SSPN: variants seen among roughly 807,000 people sequenced by gnomAD.
SSPN encodes sarcospan.
SSPN carries 15 observed loss-of-function variants against 19.1 expected under a neutral mutation model. The ratio of observed to expected loss-of-function variants is 0.78; its 90% CI spans 0.52 to 1.21. The LOEUF (loss-of-function observed/expected upper bound fraction) is 1.21, where lower values mean the gene tolerates loss of function less well. Ranked by LOEUF, SSPN falls within the 50% of genes most tolerant of loss-of-function variation. The pLI is 0.00. For synonymous variants in SSPN, 147 were observed against 140.3 expected (o/e 1.05, Z -0.34); for missense variants, 291 against 314.0 (o/e 0.93, Z 0.55).
intron 1 of SSPN, among the ~76,000 whole-genome samples, chr12:26,134,368 G>A (rs1226344422): frequency 6.6e-6 from 1 of 152,168 alleles, no homozygotes; most frequent in African/African-American, 2.4e-5. Flanking sequence ...GACCAGATTT[G>A]TCTCCTTCTA....
chr12:26,186,270 A>G (rs1944753753), intron 1 of SSPN, among the ~76,000 whole-genome samples: 1 of 152,136 alleles, frequency 6.6e-6, no homozygotes, highest in African/African-American at 2.4e-5. Flanking sequence ...CTGGCTAAAA[A>G]CTGGTGCCTA....
chr12:26,177,752 T>C (rs1373900303), intron 1 of SSPN, among the ~76,000 whole-genome samples: 1 of 152,170 alleles, frequency 6.6e-6, no homozygotes, highest in African/African-American at 2.4e-5. Flanking sequence ...ATATGATCTG[T>C]CTGACATCTG....
intron 1 of SSPN, among the ~76,000 whole-genome samples, chr12:26,210,124 A>C (rs1301852261): frequency 1.3e-5 from 2 of 151,990 alleles, no homozygotes; most frequent in Non-Finnish European, 2.9e-5. Context: ...CCGAGCCTTG[A>C]TAACTATCAA....
intron 1 of SSPN, among the ~76,000 whole-genome samples, chr12:26,158,846 G>A (rs143881002): frequency 3.3e-5 from 5 of 152,258 alleles, no homozygotes; most frequent in African/African-American, 1.2e-4. Context: ...CATACCATGG[G>A]CAGGACATTG....
chr12:26,129,450 A>G (rs1490544434), intron 1 of SSPN, among the ~76,000 whole-genome samples: 1 of 152,224 alleles, frequency 6.6e-6, no homozygotes, highest in Admixed American at 6.5e-5. Flanking sequence ...GTTGTCAGGC[A>G]CACCACAGAA....
chr12:26,122,224 C>G (rs1203349318), intron 1 of SSPN: 1 of 1,295,214 alleles, frequency 7.7e-7, no homozygotes, highest in Non-Finnish European at 9.8e-7. Context: ...AGGAGGGTCG[C>G]GGCGGCGGCG....
chr12:26,194,576 G>C (rs560604301), upstream of SSPN, among the ~76,000 whole-genome samples: 13 of 152,322 alleles, frequency 8.5e-5, no homozygotes, highest in African/African-American at 3.1e-4. Flanking sequence ...AGTGGAGACG[G>C]GGTTTCACCA....
At chr12:26,122,243 C>G (rs983513377) in intron 1 of SSPN, 1 of 1,276,854 alleles carries the variant, frequency 7.8e-7, no homozygotes, top group East Asian at 3.2e-5. Context: ...CGCCCGCCTT[C>G]TCGGGAGGGG....
In SSPN at chr12:26,162,415, T is replaced by G. The variant is rs1944594993; in HGVS notation, c.-31+40263T>G. Among the ~76,000 whole-genome samples the G allele has an allele frequency of 2.6e-5, 4 of 152,222 alleles. No individual in the cohort carries two copies. In the South Asian group the frequency reaches 6.2e-4, roughly 24 times the overall value. On this transcript the variant is annotated intron_variant, in intron 1 of 2. Coordinates refer to the SSPN transcript ENST00000538142. ...TATCCTCAGTAGACTGTTAATAACATGAGCTCCTTCTGCTGATAAATTTGT... is the reference window on the plus strand; with the variant it reads ...TATCCTCAGTAGACTGTTAATAACAGGAGCTCCTTCTGCTGATAAATTTGT...
chr12:26,193,849 T>G (rs1944803879), upstream of SSPN, among the ~76,000 whole-genome samples: 1 of 152,226 alleles, frequency 6.6e-6, no homozygotes. Context: ...CTGGTCCAGA[T>G]GGAAGGCATA....
intron 1 of SSPN, among the ~76,000 whole-genome samples, chr12:26,178,840 C>T (rs1944700875): frequency 6.6e-6 from 1 of 152,146 alleles, no homozygotes; most frequent in Non-Finnish European, 1.5e-5. Context: ...AAGATATATT[C>T]TCTTGAGATA....
At chr12:26,140,238 C>G (rs151262591) in intron 1 of SSPN, among the ~76,000 whole-genome samples, 15 of 152,316 alleles carry the variant, frequency 9.8e-5, no homozygotes, top group African/African-American at 3.6e-4. Context: ...TTGCTCCAAA[C>G]CCATGTAGTC....
chr12:26,131,197 T>G lies in SSPN; in HGVS notation c.-31+9045T>G, dbSNP rs145537439. Among the ~76,000 whole-genome samples the G allele has an allele frequency of 3.5e-3, 533 of 152,354 alleles. 3 individuals are homozygous for G. Among genetic ancestry groups the G allele is most frequent in the African/African-American group, 0.012 (506 of 41,578 alleles). On this transcript the variant is annotated intron_variant, in intron 1 of 2. Coordinates refer to the SSPN transcript ENST00000538142. ...ATTTAATTCCAATTTCAGAAAAATGTCAATCTTCCTGTCTGCAATTGCACA... is the reference window on the plus strand; with the variant it reads ...ATTTAATTCCAATTTCAGAAAAATGGCAATCTTCCTGTCTGCAATTGCACA...
chr12:26,221,780 C>G (rs913535023), intron 1 of SSPN, among the ~76,000 whole-genome samples: 21 of 152,182 alleles, frequency 1.4e-4, no homozygotes, highest in African/African-American at 5.1e-4. Context: ...GAGAGCCTGA[C>G]CCTGTGCACC....
At chr12:26,203,714 A>G (rs1370124459) in intron 1 of SSPN, among the ~76,000 whole-genome samples, 2 of 152,186 alleles carry the variant, frequency 1.3e-5, no homozygotes, top group Non-Finnish European at 2.9e-5. Flanking sequence ...AGGCTGCTAT[A>G]ACAAAATACC....
intron 1 of SSPN, among the ~76,000 whole-genome samples, chr12:26,128,139 C>A (rs1944377564): frequency 6.6e-6 from 1 of 152,184 alleles, no homozygotes; most frequent in Non-Finnish European, 1.5e-5. Context: ...ACTCTTACAC[C>A]TCAATGTGAA....
rs148292607 is a variant in SSPN, at chr12:26,132,331, C to T, written c.-31+10179C>T. On this transcript the variant is annotated intron_variant, in intron 1 of 2. Coordinates refer to the SSPN transcript ENST00000538142. Reference sequence around the variant, plus strand: ...TGGGTTTTAGGGATTCAGTAGTGAACGTTGTCTTCAATAAGTTTACAATTT... The same window carrying T: ...TGGGTTTTAGGGATTCAGTAGTGAATGTTGTCTTCAATAAGTTTACAATTT... Among the ~76,000 whole-genome samples the T allele has an allele frequency of 5.1e-3, 770 of 152,220 alleles. 6 individuals are homozygous for T. The highest frequency in any genetic ancestry group is 0.018 in the African/African-American group (728 of 41,520).
chr12:26,137,137 G>T (rs1238270834), intron 1 of SSPN, among the ~76,000 whole-genome samples: 1 of 152,166 alleles, frequency 6.6e-6, no homozygotes, highest in Admixed American at 6.5e-5. Context: ...ACAACCCTTT[G>T]ATATAGATAG....
At chr12:26,168,274 T>C (rs956491525) in intron 1 of SSPN, among the ~76,000 whole-genome samples, 3 of 151,008 alleles carry the variant, frequency 2.0e-5, no homozygotes, top group Non-Finnish European at 4.4e-5. Context: ...CATATGTGAT[T>C]GGCACAGACA....
Sources: gnomAD v4.1 joint callset for allele counts (sites outside exome capture counted in the v4.1 genomes callset) on GRCh38, gnomAD v4.1.1 for gene constraint, MANE v1.5 for transcripts, NCBI Gene and HGNC (gene_info 2026-07-23, HGNC 2026-07-21) for gene names.